The following SUGCT variants were observed in gnomAD, a reference collection of about 807,000 sequenced individuals.
The protein encoded by SUGCT is succinyl-CoA:glutarate-CoA transferase, also known as succinyl-CoA:glutarate CoA-transferase.
In SUGCT, 41 loss-of-function variants were observed where a neutral mutation model predicts 55.0. The observed-to-expected ratio is 0.74, with a 90% CI of 0.58 to 0.97. The LOEUF (loss-of-function observed/expected upper bound fraction) is 0.97. SUGCT is among the 50% of genes least tolerant of loss of function. The pLI is 0.00. For synonymous variants in SUGCT, 187 were observed against 200.4 expected (o/e 0.93, Z 0.56); for missense variants, 568 against 547.8 (o/e 1.04, Z -0.37).
chr7:40,836,710 T>C (rs1012052224), intron 13 of SUGCT, among the ~76,000 whole-genome samples: 8 of 152,224 alleles, frequency 5.3e-5, no homozygotes, highest in Admixed American at 2.6e-4. Context: ...ATACTGCACG[T>C]AACTTCTTTA....
At chr7:40,811,643 G>T (rs66651482) in intron 13 of SUGCT, among the ~76,000 whole-genome samples, 17,515 of 151,996 alleles carry the variant, frequency 0.12, 1,317 homozygotes, top group South Asian at 0.23. Flanking sequence ...TAGTGAACTT[G>T]TTTATCAGTT....
intron 7 of SUGCT, among the ~76,000 whole-genome samples, chr7:40,265,173 G>T (rs1341978012): frequency 6.6e-6 from 1 of 152,132 alleles, no homozygotes; most frequent in East Asian, 1.9e-4. Context: ...TATAACGAAT[G>T]ACTCAGTATG....
At chr7:40,910,412 G>T in the SUGCT span, among the ~76,000 whole-genome samples, 6 of 152,186 alleles carry the variant, frequency 3.9e-5, no homozygotes, top group Admixed American at 1.3e-4. Flanking sequence ...CTTATCATGT[G>T]CTGGGTCAAG....
At chr7:40,695,165 ATT>A (rs575113951) in intron 12 of SUGCT, among the ~76,000 whole-genome samples, 1 of 135,510 alleles carries the variant, frequency 7.4e-6, no homozygotes, top group Non-Finnish European at 1.6e-5. Context: ...CTAAACCCTT[ATT>A]TTTATTTATT....
chr7:40,773,255 A>C (rs1243477163), intron 13 of SUGCT, among the ~76,000 whole-genome samples: 1 of 151,860 alleles, frequency 6.6e-6, no homozygotes, highest in Admixed American at 6.6e-5. Flanking sequence ...CAGCCTCCCA[A>C]GTAGCTGGGA....
At chr7:40,631,831 G>T (rs180862960) in intron 12 of SUGCT, among the ~76,000 whole-genome samples, 6 of 152,172 alleles carry the variant, frequency 3.9e-5, no homozygotes, top group Admixed American at 3.9e-4. Context: ...TGATATTCCC[G>T]TGGTCATGAA....
Position 40,858,580 on chromosome 7 carries a change from A to G in SUGCT, c.1154-1736A>G, listed in dbSNP as rs546321660. On this transcript the variant is annotated intron_variant, in intron 13 of 13. Coordinates refer to ENST00000335693, the MANE Select transcript of SUGCT (RefSeq NM_001193313.2). The stretch of plus-strand genomic sequence containing the variant: ...TTTGATAGACGGGTTTTAGATTAAA[A>G]CTGTTTTTAATTAATATCAAAATGG... Among the ~76,000 whole-genome samples, 8 of 152,220 alleles carry G rather than the reference A, an allele frequency of 5.3e-5. No individual in the cohort carries two copies. The East Asian group carries it at 1.5e-3, about 29-fold the overall frequency.
In SUGCT at chr7:40,240,117, C is replaced by T. The variant is rs148954651; in HGVS notation, c.576+2391C>T. Among the ~76,000 whole-genome samples, 266 of 152,178 alleles carry T rather than the reference C, an allele frequency of 1.7e-3. 1 individual carries two copies. The highest frequency in any genetic ancestry group is 4.6e-3 in the South Asian group (22 of 4,816). ...TGAACATATATAAATAACAGTGTGC[C>T]TCAGGCCATTATTATGCTTCTAAAG... On this transcript the variant is annotated intron_variant, in intron 7 of 13. Transcript: ENST00000335693.
At chr7:40,276,701 G>A (rs1019045183) in intron 8 of SUGCT, among the ~76,000 whole-genome samples, 3 of 152,114 alleles carry the variant, frequency 2.0e-5, no homozygotes, top group African/African-American at 7.2e-5. Flanking sequence ...GGGGAAGGTG[G>A]AATCACCATA....
At chr7:40,244,441 G>T (rs899376912) in intron 7 of SUGCT, among the ~76,000 whole-genome samples, 1 of 152,170 alleles carries the variant, frequency 6.6e-6, no homozygotes, top group Non-Finnish European at 1.5e-5. Flanking sequence ...GGGGAAGGTT[G>T]CTTTAGGCCT....
intron 12 of SUGCT, among the ~76,000 whole-genome samples, chr7:40,502,689 C>T (rs1792354644): frequency 6.6e-6 from 1 of 152,056 alleles, no homozygotes; most frequent in South Asian, 2.1e-4. Flanking sequence ...AGTCTCATTT[C>T]ATGTACTCAG....
At chr7:40,372,904 T>C (rs1490056316) in intron 9 of SUGCT, among the ~76,000 whole-genome samples, 1 of 152,020 alleles carries the variant, frequency 6.6e-6, no homozygotes, top group Non-Finnish European at 1.5e-5. Context: ...TAATTTATAA[T>C]TCAAATCCAT....
At chr7:41,006,307 C>G in the SUGCT span, among the ~76,000 whole-genome samples, 1 of 152,140 alleles carries the variant, frequency 6.6e-6, no homozygotes, top group Non-Finnish European at 1.5e-5. Flanking sequence ...ATTAGCTGAC[C>G]CTCAACCAGG....
intron 11 of SUGCT, among the ~76,000 whole-genome samples, chr7:40,464,200 T>C (rs1789972127): frequency 6.6e-6 from 1 of 152,230 alleles, no homozygotes; most frequent in East Asian, 1.9e-4. Context: ...TTCACCAACA[T>C]TTATTGGCCA....
chr7:40,773,521 C>T (rs1789292099), intron 13 of SUGCT, among the ~76,000 whole-genome samples: 1 of 152,114 alleles, frequency 6.6e-6, no homozygotes, highest in South Asian at 2.1e-4. Context: ...GCTCTAGGCT[C>T]AAAAACAACA....
chr7:40,899,998 C>T, the SUGCT span, among the ~76,000 whole-genome samples: 3 of 152,174 alleles, frequency 2.0e-5, no homozygotes, highest in South Asian at 2.1e-4. Flanking sequence ...TGGGCCCTGG[C>T]CCTCTCTCTT....
At chr7:40,411,370 G>C (rs988366773) in intron 9 of SUGCT, among the ~76,000 whole-genome samples, 2 of 152,216 alleles carry the variant, frequency 1.3e-5, no homozygotes, top group African/African-American at 4.8e-5. Flanking sequence ...TCCAGCTTGG[G>C]CGATAGAGTG....
chr7:40,588,972 G>T lies in SUGCT; in HGVS notation c.1089+92586G>T, dbSNP rs143974810. Among the ~76,000 whole-genome samples the T allele has an allele frequency of 2.7e-3, 407 of 152,134 alleles. 1 individual carries two copies. The highest frequency in any genetic ancestry group is 9.5e-3 in the African/African-American group (396 of 41,516). ...TTTTTGCTTGCTAGGAAATAATTCT[G>T]TTTTGTACAAATAAATATATAATTA... On this transcript the variant is annotated intron_variant, in intron 12 of 13. Coordinates refer to ENST00000335693, the MANE Select transcript of SUGCT (RefSeq NM_001193313.2).
intron 12 of SUGCT, among the ~76,000 whole-genome samples, chr7:40,587,609 T>C (rs1481377244): frequency 6.6e-6 from 1 of 152,232 alleles, no homozygotes; most frequent in African/African-American, 2.4e-5. Context: ...GTCATTGCCA[T>C]GGCAAAGCAG....
Sources: allele counts gnomAD v4.1 joint callset (sites outside exome capture counted in the v4.1 genomes callset), GRCh38; gene constraint gnomAD v4.1.1; transcripts MANE v1.5; gene names NCBI Gene and HGNC (gene_info 2026-07-23, HGNC 2026-07-21).